DHRS2: variants seen among roughly 807,000 people sequenced by gnomAD.
DHRS2 encodes dehydrogenase/reductase 2, also known as dehydrogenase/reductase SDR family member 2, mitochondrial.
Under a neutral mutation model 26.3 loss-of-function variants are expected in DHRS2, and 29 were observed. That is an observed-to-expected ratio of 1.10 (90% CI 0.82 to 1.50). The LOEUF is 1.50. Ranked by LOEUF, DHRS2 falls within the 40% of genes most tolerant of loss-of-function variation. The pLI, the probability that DHRS2 is intolerant of heterozygous loss-of-function variation, is 0.00. For synonymous variants in DHRS2, 164 were observed against 151.3 expected, an observed-to-expected ratio of 1.08 and a Z score of -0.62; for missense variants, 439 against 367.1, an observed-to-expected ratio of 1.20 and a Z score of -1.60.
intron 1 of DHRS2, chr14:23,638,556 T>C (rs1890459786): frequency 6.4e-6 from 2 of 313,428 alleles, no homozygotes; most frequent in Non-Finnish European, 6.0e-6. Flanking sequence ...GCTCAATGTT[T>C]GCTATGCAAT....
At chr14:23,636,093 A>G (rs958118355), upstream of DHRS2, among the ~76,000 whole-genome samples, 6 of 152,108 alleles carry the variant, frequency 3.9e-5, no homozygotes, top group African/African-American at 1.4e-4. Flanking sequence ...ACCAATCAGC[A>G]ATCTGTGTCT....
At chr14:23,644,306 T>G in intron 6 of DHRS2, 103 bp from the exon 7 acceptor site, 1 of 1,568,676 alleles carries the variant, frequency 6.4e-7, no homozygotes, top group East Asian at 2.2e-5. Flanking sequence ...TCCATGTGGG[T>G]GGGAGGGCTG....
chr14:23,642,962 C>T (rs985432038), intron 4 of DHRS2, 190 bp from the exon 5 acceptor site: 7 of 595,822 alleles, frequency 1.2e-5, no homozygotes, highest in Non-Finnish European at 2.1e-5. Flanking sequence ...TGTGACTTAG[C>T]CTGCCTGCCT....
intron 4 of DHRS2, 42 bp from the exon 5 acceptor site, chr14:23,643,110 C>A: frequency 6.2e-7 from 1 of 1,602,858 alleles, no homozygotes; most frequent in Non-Finnish European, 8.5e-7. Flanking sequence ...CTTGGGCTGA[C>A]CATGTCTCTC....
In DHRS2 at chr14:23,638,855, A is replaced by G. The variant is rs767075399; in HGVS notation, c.-10A>G. On this transcript the variant is annotated 5_prime_UTR_variant, in exon 2 of 9. Coordinates refer to ENST00000250383, the MANE Select transcript of DHRS2 (RefSeq NM_005794.4). ...TGATTCAGCAGGAAGCATCTCAGAC[A>G]CCAACCACTATGCTGTCAGCAGTTG... The G allele has an allele frequency of 7.6e-5, 123 of 1,612,176 alleles. No homozygotes were observed. Among genetic ancestry groups the G allele is most frequent in the Non-Finnish European group, 1.0e-4 (118 of 1,178,986 alleles).
chr14:23,631,026 A>G lies in DHRS2; in HGVS notation c.-39+791A>G, dbSNP rs147158879. Among the ~76,000 whole-genome samples, 1,098 of 152,244 alleles carry G rather than the reference A, an allele frequency of 7.2e-3. 13 individuals carry two copies. The highest frequency in any genetic ancestry group is 0.026 in the African/African-American group (1,061 of 41,536). On this transcript the variant is annotated intron_variant, in intron 1 of 6. Coordinates refer to the DHRS2 transcript ENST00000432832. ...TTTATCAGATCCTAAAAGGTGCCAG[A>G]CTCTTAGTTAAATCTCTCTTGGATC...
rs750904789 is a variant in DHRS2 at position 23,644,413 on chromosome 14, TG to T, written c.548del (p.Gly183ValfsTer28). ...CTCTGTCAATTCCCTTCCCAGGCGCTGGGTGTCTACAATGTCAGCAAGACAG... is the reference window on the plus strand; with the variant it reads ...CTCTGTCAATTCCCTTCCCAGGCGCTGGTGTCTACAATGTCAGCAAGACAG... ...SIAAYNPVVALGVYNVSKTAL... is the reference protein window; with the variant it reads ...SIAAYNPVVAXGVYNVSKTAL... On this transcript the variant is annotated frameshift_variant, in exon 7 of 9. Coordinates refer to ENST00000250383, the MANE Select transcript of DHRS2 (RefSeq NM_005794.4). LOFTEE classifies it high-confidence loss of function. 3.7e-6 allele frequency: 6 copies of T among 1,614,154 alleles called. No homozygotes were observed. Among genetic ancestry groups the T allele is most frequent in the South Asian group, 3.3e-5 (3 of 91,080 alleles).
rs11846104 is a variant in DHRS2 at position 23,644,705 on chromosome 14, A to G, written c.676-122A>G. On this transcript the variant is annotated intron_variant, in intron 7 of 8. Transcript: ENST00000250383. ...CCATGGTGCAGTCCATCCATCCTGA[A>G]AAGATGCTCCTTCTTTTGAGAAGGG... The G allele has an allele frequency of 5.4e-3, 8,005 of 1,491,208 alleles. 375 individuals are homozygous for G. In the African/African-American group the frequency reaches 0.097, roughly 18 times the overall value. 92.4% of individuals were successfully genotyped at this position (1,491,208 alleles called of 1,614,324 possible).
chr14:23,645,245 C>G lies in DHRS2; in HGVS notation c.835C>G (p.Arg279Gly). Residue 279 changes from arginine to glycine, a missense_variant, in exon 9 of 9, where the codon CGG becomes GGG. Transcript: ENST00000250383. ...ENIAVAGYSTRL is the reference protein window; with the variant it reads ...ENIAVAGYSTGL ...CATTGCGGTGGCAGGCTACTCCACT[C>G]GGCTCTGAGAGGAGTGGGGGCGGCT... is the stretch of plus-strand genomic sequence containing the variant. 6.2e-7 allele frequency: 1 copy of G among 1,614,102 alleles called. No individual in the cohort carries two copies. The highest frequency in any genetic ancestry group is 8.5e-7 in the Non-Finnish European group (1 of 1,180,020).
Position 23,639,960 on chromosome 14 carries a change from T to A in DHRS2, c.420+65T>A, listed in dbSNP as rs1890568741. 2.3e-6 allele frequency: 3 copies of A among 1,331,990 alleles called. No homozygotes were observed. The East Asian group carries it at 8.7e-5, about 38-fold the overall frequency. The allele number at this position is 1,331,990 out of a possible 1,614,324, so 82.5% of individuals were successfully genotyped here. A position where few individuals can be genotyped will look rare whatever the true frequency, so the allele number is the denominator to read the frequency against. ...TCCAGCTCTGCACTGGGCTCCAGCA[T>A]GCCTGTGCCCACCAAGACTCTGTTT... is the stretch of plus-strand genomic sequence containing the variant. On this transcript the variant is annotated intron_variant, in intron 4 of 8. Coordinates refer to ENST00000250383, the MANE Select transcript of DHRS2 (RefSeq NM_005794.4).
chr14:23,642,904 C>T (rs754734114), intron 4 of DHRS2: 6 of 392,796 alleles, frequency 1.5e-5, no homozygotes, highest in South Asian at 1.0e-4. Flanking sequence ...TTTCCTTCCT[C>T]GTGTCAGTCC....
chr14:23,637,374 A>G (rs1418017955), intron 1 of DHRS2, among the ~76,000 whole-genome samples: 2 of 152,230 alleles, frequency 1.3e-5, no homozygotes, highest in Non-Finnish European at 2.9e-5. Context: ...AGGGGGAACT[A>G]TCTGGAATTT....
In DHRS2 at chr14:23,645,341, T is replaced by G. The variant is rs764711540; in HGVS notation, c.*88T>G. On this transcript the variant is annotated 3_prime_UTR_variant, in exon 9 of 9. Coordinates refer to ENST00000250383, the MANE Select transcript of DHRS2 (RefSeq NM_005794.4). ...TGATCATTTGGATCTGGAGGCAGAG[T>G]CTGCCATTCTGCCAGACTAGCAATT... 25 of 1,600,098 alleles carry G rather than the reference T, an allele frequency of 1.6e-5. No homozygotes were observed. The highest frequency in any genetic ancestry group is 2.0e-5 in the Non-Finnish European group (23 of 1,175,696).
intron 4 of DHRS2, chr14:23,641,490 G>C (rs1449757056): frequency 1.3e-5 from 9 of 695,342 alleles, no homozygotes. Flanking sequence ...AAGGGAGGGA[G>C]TCTCACCTTT....
chr14:23,632,963 C>A (rs1223206426), upstream of DHRS2, among the ~76,000 whole-genome samples: 1 of 152,232 alleles, frequency 6.6e-6, no homozygotes, highest in African/African-American at 2.4e-5. Flanking sequence ...TTCCCTCCCT[C>A]TCTCAACAGG....
intron 7 of DHRS2, 90 bp downstream of exon 7, chr14:23,644,633 AG>A (rs1890802523): frequency 6.3e-7 from 1 of 1,589,362 alleles, no homozygotes; most frequent in Non-Finnish European, 8.6e-7. Flanking sequence ...CTGAATCCTT[AG>A]GTCAGCATGC....
intron 1 of DHRS2, among the ~76,000 whole-genome samples, chr14:23,637,195 C>T (rs1184153975): frequency 2.0e-5 from 3 of 152,208 alleles, no homozygotes; most frequent in African/African-American, 2.4e-5. Flanking sequence ...TCTCTCCTCT[C>T]TTCTCCTAGG....
Position 23,644,394 on chromosome 14 carries a change from C to G in DHRS2, c.541-15C>G. Reference sequence around the variant, plus strand: ...CTCTCCCATATCCTAATCACTCTGTCAATTCCCTTCCCAGGCGCTGGGTGT... The same window carrying G: ...CTCTCCCATATCCTAATCACTCTGTGAATTCCCTTCCCAGGCGCTGGGTGT... On this transcript the variant is annotated splice_polypyrimidine_tract_variant and intron_variant, in intron 6 of 8. Transcript: ENST00000250383. The G allele has an allele frequency of 6.2e-7, 1 of 1,613,976 alleles. No individual in the cohort carries two copies. The highest frequency in any genetic ancestry group is 8.5e-7 in the Non-Finnish European group (1 of 1,180,006).
intron 4 of DHRS2, chr14:23,641,719 G>T (rs1396092994): frequency 7.8e-7 from 1 of 1,289,702 alleles, no homozygotes; most frequent in Non-Finnish European, 1.0e-6. Context: ...TGCAGTCATT[G>T]GGGGTCATCC....
Sources: allele counts gnomAD v4.1 joint callset (sites outside exome capture counted in the v4.1 genomes callset), GRCh38; gene constraint gnomAD v4.1.1; transcripts MANE v1.5; gene names NCBI Gene and HGNC (gene_info 2026-07-23, HGNC 2026-07-21).